CTDSPL: variants seen among roughly 807,000 people sequenced by gnomAD.
The protein encoded by CTDSPL is CTD small phosphatase like, also known as CTD small phosphatase-like protein.
Under a neutral mutation model 30.5 loss-of-function variants are expected in CTDSPL, and 8 were observed. The observed-to-expected ratio is 0.26, with a 90% CI of 0.15 to 0.47. CTDSPL has a LOEUF of 0.47. Among genes scored for constraint, CTDSPL ranks in the 20% least tolerant of loss-of-function variants. The probability of loss-of-function intolerance (pLI) is 0.99; values close to 1 mark genes in which losing one functional copy is unlikely to be tolerated. For synonymous variants in CTDSPL, 110 were observed against 137.9 expected (o/e 0.80, Z 1.42); for missense variants, 248 against 366.1 (o/e 0.68, Z 2.63).
At chr3:37,881,222 A>G (rs1236886839) in intron 1 of CTDSPL, among the ~76,000 whole-genome samples, 1 of 152,088 alleles carries the variant, frequency 6.6e-6, no homozygotes, top group African/African-American at 2.4e-5. Flanking sequence ...CCTGTTTAGA[A>G]GAGATCATAT....
chr3:37,960,500 A>AAT (rs1559645096), intron 3 of CTDSPL, among the ~76,000 whole-genome samples: 19 of 58,224 alleles, frequency 3.3e-4, no homozygotes, highest in African/African-American at 1.3e-3. Context: ...AAAAAAAAAA[A>AAT]AAAAAATATA....
chr3:37,926,260 G>A (rs796502753), intron 1 of CTDSPL, among the ~76,000 whole-genome samples: 9 of 152,266 alleles, frequency 5.9e-5, no homozygotes, highest in African/African-American at 1.9e-4. Context: ...AGCAGCAGGA[G>A]CTAGTCAGAG....
intron 1 of CTDSPL, among the ~76,000 whole-genome samples, chr3:37,915,759 G>A (rs1698638481): frequency 6.6e-6 from 1 of 151,980 alleles, no homozygotes; most frequent in African/African-American, 2.4e-5. Flanking sequence ...TTTGTGAACT[G>A]TTTCTATTGC....
chr3:37,971,794 T>C (rs1699369761), intron 6 of CTDSPL, among the ~76,000 whole-genome samples: 1 of 152,214 alleles, frequency 6.6e-6, no homozygotes, highest in Non-Finnish European at 1.5e-5. Flanking sequence ...TCCAGTGTAA[T>C]GGACAAAGGA....
intron 1 of CTDSPL, among the ~76,000 whole-genome samples, chr3:37,938,423 G>A (rs1698938832): frequency 6.7e-6 from 1 of 150,264 alleles, no homozygotes; most frequent in Admixed American, 6.7e-5. Flanking sequence ...AGAAATGCTG[G>A]CTATTTGGGG....
intron 2 of CTDSPL, among the ~76,000 whole-genome samples, chr3:37,948,294 A>AATATATGT (rs1348875341): frequency 6.6e-6 from 1 of 152,190 alleles, no homozygotes; most frequent in Non-Finnish European, 1.5e-5. Context: ...CAAAAAAAAA[A>AATATATGT]ATATATGTAT....
intron 1 of CTDSPL, among the ~76,000 whole-genome samples, chr3:37,920,836 T>C (rs1430048554): frequency 6.6e-6 from 1 of 152,250 alleles, no homozygotes; most frequent in Non-Finnish European, 1.5e-5. Flanking sequence ...TGGTCTGATT[T>C]GCTCACTCAG....
chr3:37,879,513 G>A (rs73056963), intron 1 of CTDSPL, among the ~76,000 whole-genome samples: 6,203 of 152,280 alleles, frequency 0.041, 172 homozygotes, highest in Middle Eastern at 0.058. Context: ...CCTCCTATGC[G>A]GGATTCTCCT....
intron 5 of CTDSPL, among the ~76,000 whole-genome samples, chr3:37,969,674 CTGCAGCTGT>C (rs1464200767): frequency 1.3e-5 from 2 of 152,238 alleles, no homozygotes; most frequent in Non-Finnish European, 2.9e-5. Context: ...AAGTGGGAGT[CTGCAGCTGT>C]TGCAGCCACA....
At chr3:37,947,279 T>G in intron 2 of CTDSPL, 68 bp downstream of exon 2, 1 of 1,542,750 alleles carries the variant, frequency 6.5e-7, no homozygotes, top group South Asian at 1.2e-5. Flanking sequence ...CCATCCTTGA[T>G]GAATATCCTT....
At position 37,881,819 on chromosome 3, in the gene CTDSPL, A is replaced by G. The variant is rs145242252; in HGVS notation, c.79+19541A>G. Among the ~76,000 whole-genome samples the G allele has an allele frequency of 5.5e-3, 830 of 152,288 alleles. 5 individuals are homozygous for G. Among genetic ancestry groups the G allele is most frequent in the African/African-American group, 0.018 (734 of 41,564 alleles). On this transcript the variant is annotated intron_variant, in intron 1 of 7. Transcript: ENST00000273179. ...GGTGAATAACAAATTTATAATAGTT[A>G]TTTTTGGAGAGAGAGGAAAGGAGGG...
chr3:37,908,483 G>GACATTAATTAATATTT (rs1698542869), intron 1 of CTDSPL, among the ~76,000 whole-genome samples: 1 of 151,924 alleles, frequency 6.6e-6, no homozygotes, highest in African/African-American at 2.4e-5. Context: ...TTTAATGGCT[G>GACATTAATTAATATTT]GGTAATATTT....
At chr3:37,955,796 G>A (rs1266965158) in intron 2 of CTDSPL, among the ~76,000 whole-genome samples, 2 of 152,022 alleles carry the variant, frequency 1.3e-5, no homozygotes, top group African/African-American at 4.8e-5. Context: ...CATGACATGC[G>A]ATTTACCTAT....
intron 1 of CTDSPL, among the ~76,000 whole-genome samples, chr3:37,903,863 C>A (rs1698481521): frequency 6.6e-6 from 1 of 152,234 alleles, no homozygotes; most frequent in African/African-American, 2.4e-5. Flanking sequence ...CTGCCAAGTC[C>A]ATGTGCAGTT....
intron 2 of CTDSPL, among the ~76,000 whole-genome samples, chr3:37,950,667 A>G (rs1699096191): frequency 6.6e-6 from 1 of 152,216 alleles, no homozygotes; most frequent in Non-Finnish European, 1.5e-5. Flanking sequence ...AAAGTAGTAG[A>G]AGAAAATTTT....
intron 5 of CTDSPL, among the ~76,000 whole-genome samples, chr3:37,970,510 G>A (rs532451482): frequency 1.1e-4 from 17 of 152,160 alleles, no homozygotes; most frequent in African/African-American, 1.9e-4. Flanking sequence ...AATTTCAAAC[G>A]GAATTTATTC....
chr3:37,901,312 G>T (rs1273221405), intron 1 of CTDSPL, among the ~76,000 whole-genome samples: 1 of 152,128 alleles, frequency 6.6e-6, no homozygotes, highest in African/African-American at 2.4e-5. Context: ...TCATGCCAGG[G>T]TTCACTCTGG....
intron 1 of CTDSPL, among the ~76,000 whole-genome samples, chr3:37,913,868 A>G (rs1698612238): frequency 1.3e-5 from 2 of 152,194 alleles, no homozygotes; most frequent in African/African-American, 4.8e-5. Flanking sequence ...GCTGTATAAT[A>G]AGTTTCAGTA....
intron 3 of CTDSPL, among the ~76,000 whole-genome samples, chr3:37,960,505 A>AAATAT (rs1553686722): frequency 2.6e-5 from 1 of 38,526 alleles, no homozygotes; most frequent in Non-Finnish European, 4.4e-5. Context: ...AAAAAAAAAA[A>AAATAT]ATATATATAT....
Sources: allele counts gnomAD v4.1 joint callset (sites outside exome capture counted in the v4.1 genomes callset), GRCh38; gene constraint gnomAD v4.1.1; transcripts MANE v1.5; gene names NCBI Gene and HGNC (gene_info 2026-07-23, HGNC 2026-07-21).